PACS2: variants seen among roughly 807,000 people sequenced by gnomAD.
PACS2 encodes the protein phosphofurin acidic cluster sorting protein 2, also known as PACS1-like protein.
A neutral mutation model predicts 113.0 loss-of-function variants in PACS2; 36 were observed. That is an observed-to-expected ratio of 0.32 (90% CI 0.24 to 0.42). The LOEUF is 0.42. PACS2 is among the 10% of genes least tolerant of loss of function. The pLI, the probability that PACS2 is intolerant of heterozygous loss-of-function variation, is 1.00. For missense variants in PACS2, 1,015 were observed against 1,239.5 expected, an observed-to-expected ratio of 0.82 and a Z score of 2.72; for synonymous variants, 589 against 536.1, an observed-to-expected ratio of 1.10 and a Z score of -1.36.
rs1387102342 is a variant in PACS2, at chr14:105,394,751, TAC to T, written c.*81_*82del. Reference sequence around the variant, plus strand: ...CATTTCTGTTAACATTTCAGTTTACTACAGAGACAGACGCTTAAAACACAAAG... The same window carrying T: ...CATTTCTGTTAACATTTCAGTTTACTAGAGACAGACGCTTAAAACACAAAG... On this transcript the variant is annotated 3_prime_UTR_variant, in exon 25 of 25. Coordinates refer to ENST00000447393, the MANE Select transcript of PACS2 (RefSeq NM_001100913.3). The T allele has an allele frequency of 2.2e-6, 2 of 903,292 alleles. No individual in the cohort carries two copies. Among genetic ancestry groups the T allele is most frequent in the Middle Eastern group, 2.1e-4 (1 of 4,714 alleles). The allele number at this position is 903,292 out of a possible 1,614,324, so 56.0% of individuals were successfully genotyped here. A position where few individuals can be genotyped will look rare whatever the true frequency, so the allele number is the denominator to read the frequency against.
At chr14:105,375,649 CAAATG>C (rs1330570451) in intron 8 of PACS2, among the ~76,000 whole-genome samples, 1 of 152,182 alleles carries the variant, frequency 6.6e-6, no homozygotes, top group Non-Finnish European at 1.5e-5. Context: ...ATGGCTGGAA[CAAATG>C]AAATGCAACA....
intron 1 of PACS2, among the ~76,000 whole-genome samples, chr14:105,302,347 G>A (rs775915617): frequency 6.6e-6 from 1 of 151,580 alleles, no homozygotes; most frequent in Non-Finnish European, 1.5e-5. Context: ...GGGATTACAG[G>A]TATGCACCAC....
chr14:105,324,581 C>T lies in PACS2; in HGVS notation c.119+9544C>T, dbSNP rs2140867329. Among the ~76,000 whole-genome samples, 1 of 152,324 alleles carries T rather than the reference C, an allele frequency of 6.6e-6. No individual in the cohort carries two copies. Among genetic ancestry groups the T allele is most frequent in the African/African-American group, 2.4e-5 (1 of 41,578 alleles). On this transcript the variant is annotated intron_variant, in intron 1 of 24. Transcript: ENST00000447393. The surrounding 1 kb of genome is among the most constrained non-coding windows in gnomAD (Gnocchi z 4.7). ...TGAGAGGCCGTCCCTTTCTGCTCCG[C>T]AGGCGCGCGCCGATGTGTGCTCAGC...
At chr14:105,364,052 G>A (rs1040544041) in intron 4 of PACS2, among the ~76,000 whole-genome samples, 4 of 152,118 alleles carry the variant, frequency 2.6e-5, no homozygotes, top group African/African-American at 7.2e-5. Context: ...TAGTCACACC[G>A]TAGCTCACTG....
intron 1 of PACS2, among the ~76,000 whole-genome samples, chr14:105,344,969 C>T (rs1394484710): frequency 1.3e-5 from 2 of 151,858 alleles, no homozygotes; most frequent in Non-Finnish European, 2.9e-5. Context: ...ATTAGCTGGG[C>T]GTGGTAGTGC....
intron 22 of PACS2, 49 bp downstream of exon 22, chr14:105,391,815 ATGC>A (rs1566972131): frequency 6.6e-7 from 1 of 1,524,694 alleles, no homozygotes; most frequent in South Asian, 1.2e-5. Context: ...GCCCCACCAC[ATGC>A]TGCCTGATTC....
Position 105,348,621 on chromosome 14 carries a change from T to C in PACS2, c.207+41T>C. On this transcript the variant is annotated intron_variant, in intron 2 of 24. Transcript: ENST00000447393. The surrounding 1 kb of genome is among the most constrained non-coding windows in gnomAD (Gnocchi z 6.4). ...ACCCCGGCTGTGGCTGGGTGCTGTGTAGGCTTTCCATGTGCCTGGGAGACG... is the reference window on the plus strand; with the variant it reads ...ACCCCGGCTGTGGCTGGGTGCTGTGCAGGCTTTCCATGTGCCTGGGAGACG... The C allele has an allele frequency of 7.0e-7, 1 of 1,423,402 alleles. No individual in the cohort carries two copies. The highest frequency in any genetic ancestry group is 9.9e-7 in the Non-Finnish European group (1 of 1,010,382). The allele number at this position is 1,423,402 out of a possible 1,614,324, so 88.2% of individuals were successfully genotyped here. A position where few individuals can be genotyped will look rare whatever the true frequency, so the allele number is the denominator to read the frequency against.
chr14:105,391,898 T>A, intron 22 of PACS2, 132 bp downstream of exon 22: 1 of 939,852 alleles, frequency 1.1e-6, no homozygotes, highest in East Asian at 2.8e-5. Flanking sequence ...GCGGAGGGGC[T>A]CTGCAGGACG....
intron 21 of PACS2, 73 bp from the exon 22 acceptor site, chr14:105,391,557 TG>T: frequency 1.1e-6 from 1 of 883,592 alleles, no homozygotes; most frequent in Non-Finnish European, 1.6e-6. Flanking sequence ...GGCCACATCC[TG>T]GTCCGGAGGG....
intron 18 of PACS2, among the ~76,000 whole-genome samples, chr14:105,385,395 C>T (rs587643212): frequency 6.0e-4 from 92 of 152,320 alleles, no homozygotes; most frequent in Non-Finnish European, 1.1e-3. Flanking sequence ...AGCTCGTGTC[C>T]TCACCTGCCC....
intron 16 of PACS2, 151 bp from the exon 17 acceptor site, chr14:105,384,202 G>A (rs1034644117): frequency 3.3e-6 from 2 of 597,756 alleles, no homozygotes; most frequent in Non-Finnish European, 3.0e-6. Flanking sequence ...GAGGGGCAGT[G>A]GTGGCTTTCT....
chr14:105,384,463 G>C lies in PACS2; in HGVS notation c.1891G>C (p.Val631Leu). 2.5e-6 allele frequency: 4 copies of C among 1,599,156 alleles called. No individual in the cohort carries two copies. Among genetic ancestry groups the C allele is most frequent in the Non-Finnish European group, 3.4e-6 (4 of 1,169,110 alleles). Residue 631 changes from valine (V) to leucine (L), a missense_variant and splice_region_variant, in exon 17 of 25, where the codon GTA (valine) becomes CTA (leucine). Transcript: ENST00000447393. Reference protein sequence around the residue: ...LFNKLEAQSAVQDTPDIVSRI... With the variant: ...LFNKLEAQSALQDTPDIVSRI... ...CAACAAGCTGGAGGCCCAGAGTGCGGGTGAGGCCCGGGCGCGTCCACAGCC... is the reference window on the plus strand; with the variant it reads ...CAACAAGCTGGAGGCCCAGAGTGCGCGTGAGGCCCGGGCGCGTCCACAGCC...
Position 105,382,524 on chromosome 14 carries a change from C to A in PACS2, c.1461C>A (p.Ser487=). Residue 487 remains serine (S), a synonymous_variant, in exon 14 of 25, where the codon TCC becomes TCA. Transcript: ENST00000447393. The part of the protein sequence containing the change: ...VYDQLNHILI[S]DDQLPENIIL... ...ACCAGCTCAACCACATCCTCATCTC[C>A]GATGACCAGCTTCCCGAAAACATCA... is the stretch of plus-strand genomic sequence containing the variant. The A allele has an allele frequency of 1.2e-6, 2 of 1,613,308 alleles. No individual in the cohort carries two copies. Among genetic ancestry groups the A allele is most frequent in the Non-Finnish European group, 1.7e-6 (2 of 1,179,276 alleles).
rs782002832 is a variant in PACS2 at position 105,380,171 on chromosome 14, C to T, written c.1125+17C>T. Reference sequence around the variant, plus strand: ...GTGGCCCTCGTAAGCAGGCTTGGGCCGCACCCACCCGTTCCACACATCAGG... The same window carrying T: ...GTGGCCCTCGTAAGCAGGCTTGGGCTGCACCCACCCGTTCCACACATCAGG... On this transcript the variant is annotated intron_variant, in intron 11 of 24. Transcript: ENST00000447393. 9.1e-6 allele frequency: 14 copies of T among 1,545,622 alleles called. No homozygotes were observed. The South Asian group carries it at 1.1e-4, about 12-fold the overall frequency.
intron 1 of PACS2, among the ~76,000 whole-genome samples, chr14:105,322,074 A>G (rs1454925107): frequency 6.6e-6 from 1 of 151,522 alleles, no homozygotes; most frequent in African/African-American, 2.4e-5. Flanking sequence ...AGTAGCTGGG[A>G]CTACAGGCGC....
At chr14:105,375,545 A>G (rs1464887994) in intron 8 of PACS2, among the ~76,000 whole-genome samples, 1 of 152,120 alleles carries the variant, frequency 6.6e-6, no homozygotes. Context: ...ACACACAAGT[A>G]GCCAATAAGT....
intron 1 of PACS2, among the ~76,000 whole-genome samples, chr14:105,322,267 G>A (rs750649284): frequency 1.4e-5 from 2 of 148,044 alleles, no homozygotes; most frequent in Non-Finnish European, 3.0e-5. Flanking sequence ...TTTTTGAGAC[G>A]GAGTCTCTCT....
rs1361335559 is a variant in PACS2, at chr14:105,340,414, G to A, written c.120-8079G>A. On this transcript the variant is annotated intron_variant, in intron 1 of 24. Transcript: ENST00000447393. The surrounding 1 kb of genome is among the most constrained non-coding windows in gnomAD (Gnocchi z 4.2). Reference sequence around the variant, plus strand: ...AGCAGTGGTCCCCAACCTTTTTGCCGCCAGGGACCGGTTTTGTGGAAGACA... The same window carrying A: ...AGCAGTGGTCCCCAACCTTTTTGCCACCAGGGACCGGTTTTGTGGAAGACA... Among the ~76,000 whole-genome samples the A allele has an allele frequency of 3.3e-5, 5 of 152,184 alleles. No individual in the cohort carries two copies. Among genetic ancestry groups the A allele is most frequent in the South Asian group, 4.1e-4 (2 of 4,830 alleles).
chr14:105,329,173 G>A lies in PACS2; in HGVS notation c.119+14136G>A, dbSNP rs1350524478. ...GGGCTCTTCCTCATCTGTCTGCAGA[G>A]GAGGCAGCTGTGGAGCGAGGGTGTG... On this transcript the variant is annotated intron_variant, in intron 1 of 24. Transcript: ENST00000447393. The surrounding 1 kb of genome is among the most constrained non-coding windows in gnomAD (Gnocchi z 6.4). 6.6e-6 allele frequency among the ~76,000 whole-genome samples: 1 copy of A among 152,196 alleles called. No homozygotes were observed. Among genetic ancestry groups the A allele is most frequent in the African/African-American group, 2.4e-5 (1 of 41,448 alleles).
Sources: gnomAD v4.1 joint callset for allele counts (sites outside exome capture counted in the v4.1 genomes callset) on GRCh38, gnomAD v4.1.1 for gene constraint, Gnocchi (gnomAD v3.1) non-coding constraint, MANE v1.5 for transcripts, NCBI Gene and HGNC (gene_info 2026-07-23, HGNC 2026-07-21) for gene names.